The following OR52N2 variants were observed in gnomAD, a reference collection of about 807,000 sequenced individuals.
OR52N2 encodes the protein olfactory receptor 52N2.
For missense variants in OR52N2, 326 were observed against 196.6 expected (o/e 1.66, Z -3.94); for synonymous variants, 129 against 72.0 (o/e 1.79, Z -4.01).
chr11:5,813,816 T>C (rs1012689267), intron 1 of OR52N2, among the ~76,000 whole-genome samples: 7 of 152,152 alleles, frequency 4.6e-5, no homozygotes, highest in Non-Finnish European at 8.8e-5. Context: ...AAAAGGATCA[T>C]TCACCATGAT....
Position 5,821,104 on chromosome 11 carries a change from GCTTTTTTCA to G in OR52N2, c.781_789del (p.Phe261_Thr263del), listed in dbSNP as rs1380840470. Reference sequence around the variant, plus strand: ...TTCCATTGTGATCACCTATGTTGCTGCTTTTTTCACTTTTTTCACTCATCGTTTTGTAGG... The same window carrying G: ...TTCCATTGTGATCACCTATGTTGCTGCTTTTTTCACTCATCGTTTTGTAGG... On this transcript the variant is annotated inframe_deletion, in exon 2 of 2. Coordinates refer to ENST00000317037, the MANE Select transcript of OR52N2 (RefSeq NM_001005174.3). 12 of 780,868 alleles carry G rather than the reference GCTTTTTTCA, an allele frequency of 1.5e-5. No individual in the cohort carries two copies. Among genetic ancestry groups the G allele is most frequent in the African/African-American group, 6.8e-5 (4 of 59,098 alleles). 48.4% of individuals were successfully genotyped at this position (780,868 alleles called of 1,614,324 possible).
intron 1 of OR52N2, among the ~76,000 whole-genome samples, chr11:5,813,776 A>G (rs1181419557): frequency 6.6e-6 from 1 of 152,174 alleles, no homozygotes; most frequent in Non-Finnish European, 1.5e-5. Flanking sequence ...ATCCTCAACA[A>G]ATTCTAGTGA....
At chr11:5,811,545 C>A (rs1244197974) in intron 1 of OR52N2, among the ~76,000 whole-genome samples, 2 of 151,746 alleles carry the variant, frequency 1.3e-5, no homozygotes, top group African/African-American at 4.8e-5. Context: ...CTTGAGGTAA[C>A]CACAAAGCAA....
intron 1 of OR52N2, among the ~76,000 whole-genome samples, chr11:5,816,895 C>A (rs985434267): frequency 6.6e-6 from 1 of 152,150 alleles, no homozygotes; most frequent in Non-Finnish European, 1.5e-5. Flanking sequence ...AGAGTTTACA[C>A]TGAAACTCAT....
At chr11:5,811,851 A>G (rs2134240205) in intron 1 of OR52N2, among the ~76,000 whole-genome samples, 1 of 152,356 alleles carries the variant, frequency 6.6e-6, no homozygotes. Flanking sequence ...AGACACACAC[A>G]CAGGTTGAAA....
At chr11:5,812,626 G>A (rs1846373190) in intron 1 of OR52N2, among the ~76,000 whole-genome samples, 2 of 151,600 alleles carry the variant, frequency 1.3e-5, no homozygotes, top group Admixed American at 1.3e-4. Context: ...TAATATCACA[G>A]CACCTAAATA....
intron 1 of OR52N2, among the ~76,000 whole-genome samples, chr11:5,810,834 T>C (rs757465008): frequency 6.6e-6 from 1 of 152,156 alleles, no homozygotes; most frequent in South Asian, 2.1e-4. Flanking sequence ...TTTTGCTTCA[T>C]ACTAAACCTA....
At chr11:5,813,954 T>G (rs1022396900) in intron 1 of OR52N2, among the ~76,000 whole-genome samples, 2 of 152,204 alleles carry the variant, frequency 1.3e-5, no homozygotes, top group Admixed American at 1.3e-4. Flanking sequence ...AAAAAGCATT[T>G]GACACAATTC....
intron 1 of OR52N2, among the ~76,000 whole-genome samples, chr11:5,817,309 A>T (rs972070129): frequency 4.6e-5 from 7 of 152,126 alleles, no homozygotes; most frequent in Admixed American, 1.3e-4. Flanking sequence ...AAAGGAAGAA[A>T]GGTCAAAATA....
At chr11:5,811,373 A>C (rs1234502548) in intron 1 of OR52N2, among the ~76,000 whole-genome samples, 1 of 152,162 alleles carries the variant, frequency 6.6e-6, no homozygotes, top group Non-Finnish European at 1.5e-5. Context: ...AGACAGCTAC[A>C]ATAGTTTGTT....
At chr11:5,818,487 C>G (rs1228406894) in intron 1 of OR52N2, among the ~76,000 whole-genome samples, 2 of 152,064 alleles carry the variant, frequency 1.3e-5, no homozygotes, top group Non-Finnish European at 2.9e-5. Flanking sequence ...AGATTTCAAA[C>G]AACTCCTAAA....
intron 1 of OR52N2, among the ~76,000 whole-genome samples, chr11:5,809,852 A>G (rs1846341266): frequency 1.3e-5 from 2 of 152,256 alleles, no homozygotes; most frequent in South Asian, 2.1e-4. Context: ...TCCTTTTGTT[A>G]TTTACCCAGT....
intron 1 of OR52N2, among the ~76,000 whole-genome samples, chr11:5,819,744 T>C (rs1326353605): frequency 6.6e-6 from 1 of 152,254 alleles, no homozygotes; most frequent in Non-Finnish European, 1.5e-5. Context: ...GAGTAAGTTA[T>C]GTGGGACATT....
intron 1 of OR52N2, among the ~76,000 whole-genome samples, chr11:5,818,216 G>T (rs1846418932): frequency 6.6e-6 from 1 of 151,830 alleles, no homozygotes; most frequent in Non-Finnish European, 1.5e-5. Context: ...TTCTCTTGTT[G>T]TAAGAGGAAA....
chr11:5,808,947 C>T lies in OR52N2; in HGVS notation c.-162C>T, dbSNP rs1486443213. 6.6e-6 allele frequency among the ~76,000 whole-genome samples: 1 copy of T among 151,954 alleles called. No homozygotes were observed. The highest frequency in any genetic ancestry group is 2.4e-5 in the African/African-American group (1 of 41,296). ...CTGGTCACCGCGGTATTGCAAGCCT[C>T]TCCTCCTCGCGTTGCTGAGAGTCCG... On this transcript the variant is annotated 5_prime_UTR_variant, in exon 1 of 2. Transcript: ENST00000317037.
At chr11:5,809,528 A>G (rs1050460215) in intron 1 of OR52N2, among the ~76,000 whole-genome samples, 2 of 152,180 alleles carry the variant, frequency 1.3e-5, no homozygotes, top group African/African-American at 4.8e-5. Context: ...GGGAAGCGGT[A>G]GGCTGTTTTA....
chr11:5,810,626 G>T (rs775535624), intron 1 of OR52N2, among the ~76,000 whole-genome samples: 1 of 152,152 alleles, frequency 6.6e-6, no homozygotes, highest in Non-Finnish European at 1.5e-5. Flanking sequence ...ATTGTGGAAG[G>T]GGGATGGGAG....
chr11:5,813,952 T>G (rs1846382910), intron 1 of OR52N2, among the ~76,000 whole-genome samples: 2 of 152,182 alleles, frequency 1.3e-5, no homozygotes, highest in Non-Finnish European at 2.9e-5. Flanking sequence ...AGAAAAAGCA[T>G]TTGACACAAT....
At chr11:5,812,509 A>AAG (rs1554953784) in intron 1 of OR52N2, among the ~76,000 whole-genome samples, 1 of 151,040 alleles carries the variant, frequency 6.6e-6, no homozygotes, top group Non-Finnish European at 1.5e-5. Flanking sequence ...AAAAAAAAAA[A>AAG]AAAGAAATGA....
Sources: allele counts gnomAD v4.1 joint callset (sites outside exome capture counted in the v4.1 genomes callset), GRCh38; gene constraint gnomAD v4.1.1; transcripts MANE v1.5; gene names NCBI Gene and HGNC (gene_info 2026-07-23, HGNC 2026-07-21).